ZNF346: variants seen among roughly 807,000 people sequenced by gnomAD.
ZNF346 encodes the protein double-stranded RNA-binding zinc finger protein JAZ.
Under a neutral mutation model 33.7 loss-of-function variants are expected in ZNF346, and 23 were observed. The observed-to-expected ratio is 0.68, with a 90% CI of 0.49 to 0.97. The LOEUF (loss-of-function observed/expected upper bound fraction) is 0.97. Ranked by LOEUF, ZNF346 falls within the 50% of genes least tolerant of loss-of-function variation. The probability of loss-of-function intolerance (pLI) is 0.00; values close to 1 mark genes in which losing one functional copy is unlikely to be tolerated. For synonymous variants in ZNF346, 134 were observed against 142.4 expected (o/e 0.94, Z 0.42); for missense variants, 340 against 371.1 (o/e 0.92, Z 0.69).
chr5:177,069,341 C>A (rs1783387652), downstream of ZNF346, among the ~76,000 whole-genome samples: 2 of 151,766 alleles, frequency 1.3e-5, no homozygotes, highest in Non-Finnish European at 2.9e-5. Flanking sequence ...CCTGTAATCT[C>A]AGCTGCTCGC....
chr5:177,029,850 A>T (rs1363861172), intron 1 of ZNF346, among the ~76,000 whole-genome samples: 1 of 152,212 alleles, frequency 6.6e-6, no homozygotes, highest in Non-Finnish European at 1.5e-5. Flanking sequence ...TCAGAAAAAC[A>T]GGTGAAAGAA....
intron 5 of ZNF346, 66 bp from the exon 6 acceptor site, chr5:177,061,992 G>A: frequency 2.1e-6 from 3 of 1,446,568 alleles, no homozygotes; most frequent in Admixed American, 1.7e-5. Flanking sequence ...TGTACACTCT[G>A]AAAAGCAACG....
rs532425281 is a variant in ZNF346, at chr5:177,038,856, CTTCTTTT to C, written c.176-2264_176-2258del. Among the ~76,000 whole-genome samples the C allele has an allele frequency of 2.3e-3, 320 of 141,942 alleles. 2 individuals are homozygous for C. The highest frequency in any genetic ancestry group is 8.5e-3 in the African/African-American group (310 of 36,346). The allele number at this position is 141,942 out of a possible 152,430, so 93.1% of individuals were successfully genotyped here. A position where few individuals can be genotyped will look rare whatever the true frequency, so the allele number is the denominator to read the frequency against. On this transcript the variant is annotated intron_variant, in intron 1 of 6. Coordinates refer to ENST00000358149, the MANE Select transcript of ZNF346 (RefSeq NM_012279.4). Reference sequence around the variant, plus strand: ...AGAAGCCTCTGACCCTCTTTTTTTTCTTCTTTTTTCTTCTTCTTCTTGTGTGTGTGTG... The same window carrying C: ...AGAAGCCTCTGACCCTCTTTTTTTTCTTCTTCTTCTTCTTGTGTGTGTGTG...
chr5:177,023,252 C>T (rs1336207675), intron 1 of ZNF346: 3 of 1,504,968 alleles, frequency 2.0e-6, no homozygotes, highest in Non-Finnish European at 2.7e-6. Flanking sequence ...AAGCCGAGTG[C>T]CCCTCACCAC....
chr5:177,051,982 G>A (rs1321111079), intron 5 of ZNF346: 1 of 152,068 alleles, frequency 6.6e-6, no homozygotes, highest in African/African-American at 2.4e-5. Context: ...TGGCCAACAT[G>A]GTGAGATCCC....
chr5:177,025,039 G>T (rs571842575), intron 1 of ZNF346, among the ~76,000 whole-genome samples: 1 of 152,160 alleles, frequency 6.6e-6, no homozygotes, highest in Non-Finnish European at 1.5e-5. Context: ...GTACAGAGTT[G>T]TATAGCCATT....
chr5:177,034,503 A>G (rs1258920889), intron 1 of ZNF346, among the ~76,000 whole-genome samples: 1 of 152,130 alleles, frequency 6.6e-6, no homozygotes, highest in Non-Finnish European at 1.5e-5. Flanking sequence ...CTGGGATTAT[A>G]GGCATGAACC....
chr5:177,032,293 T>C (rs1415146280), intron 1 of ZNF346, among the ~76,000 whole-genome samples: 1 of 151,988 alleles, frequency 6.6e-6, no homozygotes, highest in Non-Finnish European at 1.5e-5. Context: ...CGTGAGCCAC[T>C]GCACCCAGCC....
At chr5:177,030,906 A>ATTTTTTTTTTTT (rs760757696) in intron 1 of ZNF346, among the ~76,000 whole-genome samples, 1 of 103,526 alleles carries the variant, frequency 9.7e-6, no homozygotes, top group Non-Finnish European at 2.0e-5. Flanking sequence ...GCTTAGTGTA[A>ATTTTTTTTTTTT]TTTTTTTTTT....
At chr5:177,057,465 G>GCA (rs1562022158) in intron 5 of ZNF346, among the ~76,000 whole-genome samples, 6 of 151,740 alleles carry the variant, frequency 4.0e-5, no homozygotes, top group African/African-American at 1.2e-4. Context: ...AGCCGGGCGT[G>GCA]GTGGCTCACA....
intron 1 of ZNF346, among the ~76,000 whole-genome samples, chr5:177,027,017 C>A (rs1264725865): frequency 1.3e-5 from 2 of 152,040 alleles, no homozygotes; most frequent in Non-Finnish European, 2.9e-5. Flanking sequence ...TCTCTGGGCC[C>A]TGATCATTTA....
intron 4 of ZNF346, among the ~76,000 whole-genome samples, chr5:177,050,405 C>A (rs1428282053): frequency 1.3e-5 from 2 of 152,206 alleles, no homozygotes; most frequent in Non-Finnish European, 2.9e-5. Context: ...CATCTCTAGT[C>A]TATTGTAACT....
intron 1 of ZNF346, among the ~76,000 whole-genome samples, chr5:177,037,447 A>G (rs1432270082): frequency 6.6e-6 from 1 of 152,034 alleles, no homozygotes; most frequent in East Asian, 1.9e-4. Context: ...GACTACTCAC[A>G]CTCACATAAC....
At chr5:177,028,562 G>T (rs1261422520) in intron 1 of ZNF346, among the ~76,000 whole-genome samples, 1 of 130,678 alleles carries the variant, frequency 7.7e-6, no homozygotes, top group Non-Finnish European at 1.6e-5. Context: ...TATAACCCTT[G>T]TACTTTCCTC....
At chr5:177,041,343 C>A in intron 2 of ZNF346, 114 bp downstream of exon 2, 1 of 815,576 alleles carries the variant, frequency 1.2e-6, no homozygotes, top group Non-Finnish European at 2.1e-6. Context: ...CAGATGTTGC[C>A]TCCATGCATG....
chr5:177,034,960 G>T (rs1213578320), intron 1 of ZNF346, among the ~76,000 whole-genome samples: 1 of 152,034 alleles, frequency 6.6e-6, no homozygotes. Context: ...GTTTCTGGAG[G>T]CCCAACCTAG....
chr5:177,046,022 C>T (rs1779982669), intron 4 of ZNF346, among the ~76,000 whole-genome samples: 1 of 152,056 alleles, frequency 6.6e-6, no homozygotes, highest in Admixed American at 6.6e-5. Context: ...ATAGGCCGGG[C>T]ATGGTGGCTC....
At chr5:177,028,728 T>G (rs1432029404) in intron 1 of ZNF346, among the ~76,000 whole-genome samples, 1 of 126,268 alleles carries the variant, frequency 7.9e-6, no homozygotes. Context: ...TTTTTTTTTT[T>G]TTTTTTTATG....
rs1427689359 is a variant in ZNF346 at position 177,066,221 on chromosome 5, T to C, written c.*1622T>C. Among the ~76,000 whole-genome samples the C allele has an allele frequency of 1.3e-5, 2 of 151,336 alleles. No homozygotes were observed. Among genetic ancestry groups the C allele is most frequent in the Non-Finnish European group, 2.9e-5 (2 of 67,898 alleles). On this transcript the variant is annotated 3_prime_UTR_variant, in exon 7 of 7. Transcript: ENST00000358149. ...TCACATAGGGCCTCATGAAGGTCTT[T>C]AAAGGGTTTAAGCTGGGGATCTGCT...
Sources: allele counts gnomAD v4.1 joint callset (sites outside exome capture counted in the v4.1 genomes callset), GRCh38; gene constraint gnomAD v4.1.1; transcripts MANE v1.5; gene names NCBI Gene and HGNC (gene_info 2026-07-23, HGNC 2026-07-21).